PUDP: variants seen among roughly 807,000 people sequenced by gnomAD.
The protein encoded by PUDP is pseudouridine-5'-phosphatase.
PUDP carries 8 observed loss-of-function variants against 9.4 expected under a neutral mutation model. That is an observed-to-expected ratio of 0.85 (90% CI 0.50 to 1.53). PUDP has a LOEUF of 1.53. PUDP is among the 40% of genes most tolerant of loss of function. The pLI is 0.00. For synonymous variants in PUDP, 99 were observed against 80.7 expected, an observed-to-expected ratio of 1.23 and a Z score of -1.22; for missense variants, 188 against 189.7, an observed-to-expected ratio of 0.99 and a Z score of 0.05.
At chrX:6,840,370 GATAA>G (rs1387237394) in intron 3 of PUDP, among the ~76,000 whole-genome samples, 1 of 111,685 alleles carries the variant, frequency 9.0e-6, no homozygotes, top group Non-Finnish European at 1.9e-5. Context: ...TAGGTAAATG[GATAA>G]ATAAACAGTG....
At chrX:6,713,409 T>G (rs1924556838) in intron 1 of PUDP, among the ~76,000 whole-genome samples, 1 of 111,717 alleles carries the variant, frequency 9.0e-6, no homozygotes, top group South Asian at 3.7e-4. Flanking sequence ...AATTTTTTTT[T>G]CACTTTCAGT....
At chrX:6,875,997 T>C (rs546207010) in intron 3 of PUDP, among the ~76,000 whole-genome samples, 2 of 112,540 alleles carry the variant, frequency 1.8e-5, no homozygotes, top group East Asian at 2.8e-4. Flanking sequence ...GCCTTTCAAA[T>C]TGTATTATGT....
intron 3 of PUDP, among the ~76,000 whole-genome samples, chrX:6,753,691 T>C (rs1925134648): frequency 8.9e-6 from 1 of 112,121 alleles, no homozygotes; most frequent in African/African-American, 3.2e-5. Context: ...TGTTATCGCA[T>C]TGTGGTTTTG....
At chrX:7,028,240 A>T (rs1410691561) in intron 1 of PUDP, among the ~76,000 whole-genome samples, 7 of 110,482 alleles carry the variant, frequency 6.3e-5, no homozygotes, top group Admixed American at 5.9e-4. Context: ...GAGGAAGATA[A>T]TGGCTCATTT....
At chrX:6,967,405 T>G (rs1181739023) in intron 3 of PUDP, among the ~76,000 whole-genome samples, 1 of 111,881 alleles carries the variant, frequency 8.9e-6, no homozygotes, top group Non-Finnish European at 1.9e-5. Flanking sequence ...CTCGTCCCTG[T>G]GACCCTCTGG....
chrX:7,101,585 C>T (rs1014869011), intron 2 of PUDP, among the ~76,000 whole-genome samples: 31 of 111,855 alleles, frequency 2.8e-4, no homozygotes, highest in Non-Finnish European at 4.0e-4. Context: ...TTAAGAATTG[C>T]AGTAGAACAT....
Position 7,107,204 on chromosome X carries a change from T to C in PUDP, c.62-1366A>G, listed in dbSNP as rs192842393. On this transcript the variant is annotated intron_variant, in intron 1 of 3. Transcript: ENST00000381077. ...GGAGCAGCATTAGCAGGACGTAGTC[T>C]ACCTTGAATCTGTACAGCTGGACCC... 6.8e-4 allele frequency among the ~76,000 whole-genome samples: 76 copies of C among 112,448 alleles called. No homozygotes were observed. In the Admixed American group the frequency reaches 6.8e-3, roughly 10 times the overall value.
intron 3 of PUDP, among the ~76,000 whole-genome samples, chrX:7,060,688 C>G (rs749459276): frequency 8.9e-6 from 1 of 112,721 alleles, no homozygotes; most frequent in East Asian, 2.8e-4. Flanking sequence ...TGGCATGACT[C>G]ACGTCAATGC....
intron 3 of PUDP, among the ~76,000 whole-genome samples, chrX:7,055,688 GCTGT>G (rs750200126): frequency 2.7e-5 from 3 of 111,936 alleles, no homozygotes; most frequent in South Asian, 3.7e-4. Flanking sequence ...TCACAGCATG[GCTGT>G]CTGTCTACTG....
At chrX:7,048,059 C>A (rs1055316718), downstream of PUDP, among the ~76,000 whole-genome samples, 8 of 111,660 alleles carry the variant, frequency 7.2e-5, no homozygotes, top group African/African-American at 2.6e-4. Context: ...ATATAAAACA[C>A]CAAACTCCAT....
intron 1 of PUDP, among the ~76,000 whole-genome samples, chrX:7,029,345 C>T (rs934282989): frequency 5.4e-5 from 6 of 111,709 alleles, no homozygotes; most frequent in Non-Finnish European, 1.1e-4. Context: ...GAGGGGGCCT[C>T]GACTCAGCTC....
chrX:6,994,071 C>A (rs1178431951), intron 1 of PUDP, among the ~76,000 whole-genome samples: 3 of 112,363 alleles, frequency 2.7e-5, no homozygotes, highest in South Asian at 7.3e-4. Context: ...AGCTTTGTTA[C>A]AGATATCTCC....
chrX:6,900,757 C>G (rs1927671628), intron 3 of PUDP, among the ~76,000 whole-genome samples: 1 of 107,088 alleles, frequency 9.3e-6, no homozygotes, highest in Non-Finnish European at 1.9e-5. Flanking sequence ...ACCAGATGAC[C>G]AATTTTTTTT....
intron 3 of PUDP, among the ~76,000 whole-genome samples, chrX:6,834,748 G>C (rs113393069): frequency 0.08 from 8,940 of 111,155 alleles, 330 homozygotes; most frequent in African/African-American, 0.12. Flanking sequence ...CAATGAGCTA[G>C]CATCTGCCGA....
At chrX:6,806,066 C>A (rs1926046495) in intron 3 of PUDP, among the ~76,000 whole-genome samples, 2 of 110,847 alleles carry the variant, frequency 1.8e-5, no homozygotes, top group Admixed American at 1.9e-4. Flanking sequence ...CAGTACAGCA[C>A]AAGCAGTGGG....
chrX:7,138,916 G>C (rs187208156), intron 1 of PUDP, among the ~76,000 whole-genome samples: 1 of 84,272 alleles, frequency 1.2e-5, no homozygotes, highest in Non-Finnish European at 2.3e-5. Flanking sequence ...TTTTAATACA[G>C]TCTTTGCTTG....
chrX:7,022,465 G>A (rs1929646286), intron 1 of PUDP, among the ~76,000 whole-genome samples: 1 of 111,783 alleles, frequency 8.9e-6, no homozygotes, highest in South Asian at 3.8e-4. Context: ...AGTTTCCTCT[G>A]TAGAGGTTGG....
chrX:7,059,666 C>T (rs1930345639), intron 3 of PUDP, among the ~76,000 whole-genome samples: 2 of 111,974 alleles, frequency 1.8e-5, no homozygotes, highest in East Asian at 2.8e-4. Context: ...ACAGCACTTT[C>T]GTTATGGAAA....
In PUDP at chrX:6,739,013, C is replaced by A. The variant is rs1268465006; in HGVS notation, c.*248-32547G>T. ...ACCTGCGTTGAGTCACCATTTCCTGCAGCCCTGAGTGCCTCTAGTAGCTAG... is the reference window on the plus strand; with the variant it reads ...ACCTGCGTTGAGTCACCATTTCCTGAAGCCCTGAGTGCCTCTAGTAGCTAG... On this transcript the variant is annotated intron_variant and NMD_transcript_variant, in intron 3 of 3. Coordinates refer to the PUDP transcript ENST00000655425. Among the ~76,000 whole-genome samples the A allele has an allele frequency of 9.0e-5, 10 of 111,622 alleles. No homozygotes were observed. The Admixed American group carries it at 9.5e-4, about 11-fold the overall frequency.
Sources: allele counts gnomAD v4.1 joint callset (sites outside exome capture counted in the v4.1 genomes callset), GRCh38; gene constraint gnomAD v4.1.1; transcripts MANE v1.5; gene names NCBI Gene and HGNC (gene_info 2026-07-23, HGNC 2026-07-21).